Variants in DACH1 observed in about 807,000 individuals in gnomAD.
The protein encoded by DACH1 is dachshund homolog 1.
Under a neutral mutation model 54.2 loss-of-function variants are expected in DACH1, and 12 were observed. The ratio of observed to expected loss-of-function variants is 0.22; its 90% confidence interval spans 0.14 to 0.36. The LOEUF is 0.36. Among genes scored for constraint, DACH1 ranks in the 10% least tolerant of loss-of-function variants. DACH1 has a pLI of 1.00. For synonymous variants in DACH1, 386 were observed against 366.2 expected (o/e 1.05, Z -0.62); for missense variants, 805 against 929.8 (o/e 0.87, Z 1.75).
intron 3 of DACH1, among the ~76,000 whole-genome samples, chr13:71,616,591 C>T (rs951691560): frequency 6.6e-6 from 1 of 151,792 alleles, no homozygotes; most frequent in South Asian, 2.1e-4. Context: ...AGAAAAATAG[C>T]CAGGTGTGGT....
chr13:71,548,772 C>T (rs1438018890), intron 6 of DACH1, among the ~76,000 whole-genome samples: 1 of 152,022 alleles, frequency 6.6e-6, no homozygotes, highest in East Asian at 1.9e-4. Flanking sequence ...CAAAAAGTAG[C>T]CGGTGTGGTG....
chr13:71,803,896 T>C (rs1195187099), intron 1 of DACH1, among the ~76,000 whole-genome samples: 1 of 152,170 alleles, frequency 6.6e-6, no homozygotes, highest in Non-Finnish European at 1.5e-5. Flanking sequence ...CTTAGACATC[T>C]TGTCATGTGT....
Position 71,559,842 on chromosome 13 carries a change from A to T in DACH1, c.1413T>A (p.Thr471=), listed in dbSNP as rs764321469. ...SSSVSSSPAR[T]ESSSDRIPVH... The stretch of plus-strand genomic sequence containing the variant: ...TACGGATTCTGTCAGAAGAGCTCTC[A>T]GTCCGAGCAGGGGAGCTGGACACGC... The change falls in exon 5 of 11, where the codon ACT becomes ACA. Residue 471 remains threonine, a synonymous_variant. Coordinates refer to ENST00000613252, the MANE Select transcript of DACH1 (RefSeq NM_080759.6). 1.9e-6 allele frequency: 3 copies of T among 1,613,736 alleles called. No individual in the cohort carries two copies. In the African/African-American group the frequency reaches 4.0e-5, roughly 22 times the overall value.
At chr13:71,783,980 A>C (rs1357981077) in intron 1 of DACH1, among the ~76,000 whole-genome samples, 26 of 136,728 alleles carry the variant, frequency 1.9e-4, no homozygotes, top group Admixed American at 5.0e-4. Flanking sequence ...AAAAAAAAAA[A>C]CAAAAAAAAA....
intron 10 of DACH1, among the ~76,000 whole-genome samples, chr13:71,461,876 A>G (rs1876105002): frequency 6.6e-6 from 1 of 152,146 alleles, no homozygotes; most frequent in South Asian, 2.1e-4. Flanking sequence ...TTGTTTTACC[A>G]TAGAAATCAA....
intron 10 of DACH1, among the ~76,000 whole-genome samples, chr13:71,445,887 A>G (rs1358368910): frequency 1.3e-5 from 2 of 152,104 alleles, no homozygotes; most frequent in Non-Finnish European, 2.9e-5. Flanking sequence ...CTGTTAACAA[A>G]CCACCTGAAT....
At chr13:71,494,189 T>C (rs1879221317) in intron 6 of DACH1, among the ~76,000 whole-genome samples, 1 of 152,156 alleles carries the variant, frequency 6.6e-6, no homozygotes, top group Non-Finnish European at 1.5e-5. Context: ...ATTAAGTTGT[T>C]AGTGGAATGA....
intron 3 of DACH1, among the ~76,000 whole-genome samples, chr13:71,598,395 C>T (rs1566368528): frequency 1.3e-5 from 2 of 152,046 alleles, no homozygotes; most frequent in Non-Finnish European, 2.9e-5. Flanking sequence ...GCTGGGATTA[C>T]AGCCATGCGC....
chr13:71,520,228 A>G (rs1444138061), intron 6 of DACH1, among the ~76,000 whole-genome samples: 1 of 151,502 alleles, frequency 6.6e-6, no homozygotes, highest in Non-Finnish European at 1.5e-5. Flanking sequence ...TAAAACAGAG[A>G]TAAAATGGTA....
At chr13:71,815,344 C>T (rs1483014675) in intron 1 of DACH1, among the ~76,000 whole-genome samples, 1 of 151,676 alleles carries the variant, frequency 6.6e-6, no homozygotes, top group African/African-American at 2.4e-5. Flanking sequence ...GGGGGAGTAG[C>T]TGAGCGAGAG....
intron 4 of DACH1, among the ~76,000 whole-genome samples, chr13:71,567,092 TC>T (rs149748007): frequency 6.6e-6 from 1 of 152,204 alleles, no homozygotes; most frequent in Non-Finnish European, 1.5e-5. Context: ...ACAGCGTTTT[TC>T]AATGTTTAAT....
In DACH1 at chr13:71,866,266, G is replaced by C. The variant is rs2138310096; in HGVS notation, c.504C>G (p.Pro168=). 1 of 1,598,954 alleles carries C rather than the reference G, an allele frequency of 6.3e-7. No homozygotes were observed. The highest frequency in any genetic ancestry group is 2.3e-5 in the East Asian group (1 of 44,080). The change falls in exon 1 of 11, where the codon CCC becomes CCG. Residue 168 remains proline (P), a synonymous_variant. Coordinates refer to ENST00000613252, the MANE Select transcript of DACH1 (RefSeq NM_080759.6). The part of the protein sequence containing the change: ...SSSSSSCGPL[P]GKPVYSTPSP... ...ACGGGGTTGAGTACACGGGTTTCCC[G>C]GGGAGGGGGCCGCAGCTGCTGCTGC...
intron 3 of DACH1, among the ~76,000 whole-genome samples, chr13:71,616,977 G>A (rs1022598617): frequency 1.3e-5 from 2 of 151,440 alleles, no homozygotes; most frequent in Non-Finnish European, 2.9e-5. Context: ...CACCTCCCAG[G>A]TTCAAGTGAT....
chr13:71,575,473 C>T (rs149947931), intron 3 of DACH1, among the ~76,000 whole-genome samples: 12 of 151,824 alleles, frequency 7.9e-5, no homozygotes, highest in African/African-American at 2.2e-4. Context: ...CTTACTGCCA[C>T]GATAAATAAA....
In DACH1 at chr13:71,816,582, GTA is replaced by G. The variant is rs1327765083; in HGVS notation, c.848+49338_848+49339del. 3.9e-3 allele frequency among the ~76,000 whole-genome samples: 538 copies of G among 138,384 alleles called. 1 individual carries two copies. Among genetic ancestry groups the G allele is most frequent in the African/African-American group, 0.015 (520 of 33,830 alleles). The allele number at this position is 138,384 out of a possible 152,430, so 90.8% of individuals were successfully genotyped here. ...CATATATGTGTGTATATATATACAC[GTA>G]TATATATACACACATATGTGTGTAT... On this transcript the variant is annotated intron_variant, in intron 1 of 10. Coordinates refer to ENST00000613252, the MANE Select transcript of DACH1 (RefSeq NM_080759.6).
intron 1 of DACH1, among the ~76,000 whole-genome samples, chr13:71,735,422 G>A (rs1884026252): frequency 3.3e-5 from 1 of 30,074 alleles, no homozygotes; most frequent in African/African-American, 8.2e-5. Flanking sequence ...ACGTATATGG[G>A]ATATACACGT....
chr13:71,822,244 T>C (rs1333032550), intron 1 of DACH1, among the ~76,000 whole-genome samples: 2 of 152,196 alleles, frequency 1.3e-5, no homozygotes. Flanking sequence ...GAAAAGGAAA[T>C]GTGATTTCCA....
intron 10 of DACH1, among the ~76,000 whole-genome samples, chr13:71,442,445 C>A (rs1874091196): frequency 6.6e-6 from 1 of 152,026 alleles, no homozygotes; most frequent in African/African-American, 2.4e-5. Context: ...TGCTGATGGA[C>A]AATTAGGTTG....
intron 1 of DACH1, among the ~76,000 whole-genome samples, chr13:71,716,324 T>C (rs1392514881): frequency 2.6e-5 from 4 of 152,138 alleles, no homozygotes; most frequent in Non-Finnish European, 5.9e-5. Context: ...TTATAGCACA[T>C]TCAGTGCCTT....
Sources: allele counts gnomAD v4.1 joint callset (sites outside exome capture counted in the v4.1 genomes callset), GRCh38; gene constraint gnomAD v4.1.1; transcripts MANE v1.5; gene names NCBI Gene and HGNC (gene_info 2026-07-23, HGNC 2026-07-21).